The following RAB1A variants were observed in gnomAD, a reference collection of about 807,000 sequenced individuals.
RAB1A encodes the protein RAB1A, member RAS oncogene family.
In RAB1A, 2 loss-of-function variants were observed where a neutral mutation model predicts 26.0. That is an observed-to-expected ratio of 0.08 (90% CI 0.03 to 0.24). RAB1A has a LOEUF of 0.24. RAB1A is among the 10% of genes least tolerant of loss of function. The probability of loss-of-function intolerance (pLI) is 1.00; values close to 1 mark genes in which losing one functional copy is unlikely to be tolerated. For synonymous variants in RAB1A, 84 were observed against 84.9 expected (o/e 0.99, Z 0.06); for missense variants, 100 against 247.0 (o/e 0.40, Z 3.99).
intron 1 of RAB1A, among the ~76,000 whole-genome samples, chr2:65,113,701 G>C (rs555171463): frequency 6.6e-6 from 1 of 152,226 alleles, no homozygotes; most frequent in South Asian, 2.1e-4. Flanking sequence ...AATGCTACTG[G>C]AAATTCTAAA....
At chr2:65,117,491 T>C (rs1558586068) in intron 1 of RAB1A, among the ~76,000 whole-genome samples, 1 of 151,754 alleles carries the variant, frequency 6.6e-6, no homozygotes, top group Non-Finnish European at 1.5e-5. Context: ...AGCCACCACA[T>C]CAGGCCTCCA....
intron 1 of RAB1A, among the ~76,000 whole-genome samples, chr2:65,129,194 T>A (rs1178587202): frequency 3.5e-5 from 5 of 143,666 alleles, no homozygotes; most frequent in African/African-American, 1.0e-4. Flanking sequence ...TTAGGTGTCC[T>A]CTTTAAAAAA....
intron 3 of RAB1A, 92 bp downstream of exon 3, chr2:65,097,879 A>G (rs1669328523): frequency 1.5e-6 from 1 of 648,304 alleles, no homozygotes; most frequent in Non-Finnish European, 2.5e-6. Context: ...TTTACATTCA[A>G]TTTTGTTAGC....
intron 1 of RAB1A, among the ~76,000 whole-genome samples, chr2:65,109,038 G>GAA (rs1304679251): frequency 6.6e-6 from 1 of 152,170 alleles, no homozygotes; most frequent in Non-Finnish European, 1.5e-5. Flanking sequence ...ACACACACTT[G>GAA]AATAGCGTGA....
rs1407585011 is a variant in RAB1A at position 65,087,613 on chromosome 2, T to C, written c.*880A>G. 1 of 152,568 alleles carries C rather than the reference T, an allele frequency of 6.6e-6. No homozygotes were observed. Among genetic ancestry groups the C allele is most frequent in the African/African-American group, 2.4e-5 (1 of 41,464 alleles). 9.5% of individuals were successfully genotyped at this position (152,568 alleles called of 1,614,324 possible). On this transcript the variant is annotated 3_prime_UTR_variant, in exon 6 of 6. Transcript: ENST00000409784. The stretch of plus-strand genomic sequence containing the variant: ...ATCAGAGATAACGGGCTAGATAGCA[T>C]ACATTCTAAACTTGTTTTACATATA...
At chr2:65,091,582 A>G (rs1050567948) in intron 3 of RAB1A, among the ~76,000 whole-genome samples, 2 of 152,162 alleles carry the variant, frequency 1.3e-5, no homozygotes, top group Non-Finnish European at 2.9e-5. Flanking sequence ...GGCTGAGTAC[A>G]GTGGCATGAT....
chr2:65,103,522 A>G (rs1409510693), intron 2 of RAB1A, among the ~76,000 whole-genome samples: 2 of 152,146 alleles, frequency 1.3e-5, no homozygotes, highest in Admixed American at 1.3e-4. Flanking sequence ...CGCTGCCTTG[A>G]TGTGTACCAA....
chr2:65,123,321 C>T (rs1303924570), intron 1 of RAB1A, among the ~76,000 whole-genome samples: 2 of 151,656 alleles, frequency 1.3e-5, no homozygotes, highest in Non-Finnish European at 2.9e-5. Context: ...CAGGCGCCTG[C>T]CACCACGCCC....
chr2:65,129,927 T>C lies in RAB1A; in HGVS notation c.-12A>G. 1 of 1,585,540 alleles carries C rather than the reference T, an allele frequency of 6.3e-7. No homozygotes were observed. The highest frequency in any genetic ancestry group is 8.6e-7 in the Non-Finnish European group (1 of 1,167,672). ...TTCATGCTGGACATGTCACTGCAGC[T>C]GCCGCCGCCGCCACCGCCGCCCTTG... On this transcript the variant is annotated 5_prime_UTR_variant, in exon 1 of 6. Transcript: ENST00000409784.
chr2:65,092,041 G>A (rs1035399007), intron 3 of RAB1A, among the ~76,000 whole-genome samples: 3 of 152,194 alleles, frequency 2.0e-5, no homozygotes, highest in Non-Finnish European at 2.9e-5. Context: ...TTGTGGGGCC[G>A]AGACGGGCGG....
intron 3 of RAB1A, among the ~76,000 whole-genome samples, chr2:65,092,252 C>T (rs1003678003): frequency 6.6e-6 from 1 of 150,902 alleles, no homozygotes; most frequent in Non-Finnish European, 1.5e-5. Context: ...GCAAGAGAGC[C>T]AGATCCTGTC....
chr2:65,107,332 T>C (rs1669584272), intron 1 of RAB1A, among the ~76,000 whole-genome samples: 1 of 152,108 alleles, frequency 6.6e-6, no homozygotes, highest in Non-Finnish European at 1.5e-5. Flanking sequence ...CCCAAAGTGC[T>C]GGGAGTACAG....
intron 1 of RAB1A, among the ~76,000 whole-genome samples, chr2:65,120,850 A>G (rs1669947631): frequency 6.6e-6 from 1 of 152,218 alleles, no homozygotes; most frequent in South Asian, 2.1e-4. Flanking sequence ...AAATACATTC[A>G]GAGAAATTAA....
chr2:65,120,603 T>C (rs1053375095), intron 1 of RAB1A, among the ~76,000 whole-genome samples: 1 of 152,164 alleles, frequency 6.6e-6, no homozygotes, highest in African/African-American at 2.4e-5. Flanking sequence ...AAATCAAGTA[T>C]TCTTAATCTG....
At chr2:65,125,706 G>A (rs987217981) in intron 1 of RAB1A, among the ~76,000 whole-genome samples, 1 of 151,338 alleles carries the variant, frequency 6.6e-6, no homozygotes, top group Non-Finnish European at 1.5e-5. Context: ...GAGCCACTGC[G>A]CCTGGCCATG....
intron 1 of RAB1A, among the ~76,000 whole-genome samples, chr2:65,113,495 G>T (rs1300009158): frequency 5.9e-5 from 9 of 152,070 alleles, no homozygotes; most frequent in Admixed American, 5.9e-4. Flanking sequence ...TAGGCAACAA[G>T]AGTGAGACCC....
chr2:65,121,971 C>T (rs1180932376), intron 1 of RAB1A, among the ~76,000 whole-genome samples: 1 of 151,802 alleles, frequency 6.6e-6, no homozygotes, highest in Non-Finnish European at 1.5e-5. Flanking sequence ...CCAGCCTGGC[C>T]AACATGGTGA....
chr2:65,115,340 T>A (rs1184529709), intron 1 of RAB1A, among the ~76,000 whole-genome samples: 2 of 152,180 alleles, frequency 1.3e-5, no homozygotes, highest in Non-Finnish European at 2.9e-5. Flanking sequence ...CTAAACTACA[T>A]ACTATTTTAA....
At chr2:65,117,932 A>G (rs1330935695) in intron 1 of RAB1A, among the ~76,000 whole-genome samples, 1 of 152,248 alleles carries the variant, frequency 6.6e-6, no homozygotes, top group Non-Finnish European at 1.5e-5. Context: ...TATTTGTTGT[A>G]GTGGGACATC....
Sources: gnomAD v4.1 joint callset for allele counts (sites outside exome capture counted in the v4.1 genomes callset) on GRCh38, gnomAD v4.1.1 for gene constraint, MANE v1.5 for transcripts, NCBI Gene and HGNC (gene_info 2026-07-23, HGNC 2026-07-21) for gene names.